Variants in TPH2 observed in about 807,000 individuals in gnomAD.
TPH2 encodes tryptophan 5-hydroxylase 2.
A neutral mutation model predicts 59.1 loss-of-function variants in TPH2; 27 were observed. The observed-to-expected ratio is 0.46, with a 90% confidence interval of 0.34 to 0.63. The LOEUF is 0.63. Among genes scored for constraint, TPH2 ranks in the 30% least tolerant of loss-of-function variants. TPH2 has a pLI of 0.01. For synonymous variants in TPH2, 220 were observed against 210.5 expected (o/e 1.05, Z -0.39); for missense variants, 523 against 588.3 (o/e 0.89, Z 1.15).
chr12:71,980,921 T>C (rs1872257109), intron 7 of TPH2, among the ~76,000 whole-genome samples: 1 of 152,222 alleles, frequency 6.6e-6, no homozygotes, highest in Non-Finnish European at 1.5e-5. Flanking sequence ...AAATAAAATA[T>C]AGTAGCTTTA....
rs531707792 is a variant in TPH2, at chr12:71,988,679, G to A, written c.942-5760G>A. ...TCAACATTGGGGTTTACATTTTAAC[G>A]TGAGATTTTGGCTGGGTACAAATAT... On this transcript the variant is annotated intron_variant, in intron 7 of 10. Transcript: ENST00000333850. 3.9e-5 allele frequency among the ~76,000 whole-genome samples: 6 copies of A among 152,284 alleles called. 1 individual carries two copies. The highest frequency in any genetic ancestry group is 3.9e-4 in the Admixed American group (6 of 15,300).
intron 7 of TPH2, among the ~76,000 whole-genome samples, chr12:71,982,013 G>GTTTTTTTTTTTTTTTTTT (rs1468983565): frequency 7.2e-5 from 4 of 55,670 alleles, no homozygotes; most frequent in African/African-American, 2.7e-4. Context: ...CATATCATTC[G>GTTTTTTTTTTTTTTTTTT]TATTTTTTTT....
intron 8 of TPH2, among the ~76,000 whole-genome samples, chr12:71,994,870 A>G (rs1872657336): frequency 6.6e-6 from 1 of 152,234 alleles, no homozygotes. Flanking sequence ...CTGTGGTATG[A>G]AAGCAGCCAC....
At chr12:71,953,889 T>C (rs1460546186) in intron 5 of TPH2, among the ~76,000 whole-genome samples, 2 of 152,080 alleles carry the variant, frequency 1.3e-5, no homozygotes, top group Non-Finnish European at 2.9e-5. Context: ...AGATGGAGTA[T>C]GGATATTTTG....
rs750375127 is a variant in TPH2, at chr12:71,950,709, A to G, written c.608+1054A>G. Among the ~76,000 whole-genome samples, 84 of 152,210 alleles carry G rather than the reference A, an allele frequency of 5.5e-4. 1 individual carries two copies. Among genetic ancestry groups the G allele is most frequent in the Non-Finnish European group, 8.1e-4 (55 of 68,008 alleles). On this transcript the variant is annotated intron_variant, in intron 5 of 10. Coordinates refer to ENST00000333850, the MANE Select transcript of TPH2 (RefSeq NM_173353.4). ...ATCTCGTAAGGGAAAGATTCGTCCT[A>G]CCCCAATTGAGAGTAGGTGTGAAAC...
chr12:72,007,859 C>T (rs11179038), intron 8 of TPH2, among the ~76,000 whole-genome samples: 6,796 of 152,028 alleles, frequency 0.045, 292 homozygotes, highest in East Asian at 0.17. Flanking sequence ...TTGGATTTTG[C>T]TTCTTTGGAA....
intron 6 of TPH2, among the ~76,000 whole-genome samples, chr12:71,977,757 C>T (rs1486232583): frequency 6.6e-6 from 1 of 152,108 alleles, no homozygotes; most frequent in Non-Finnish European, 1.5e-5. Context: ...ATGTTGAGGA[C>T]TCATTGTATG....
chr12:72,029,023 A>C (rs1873645762), intron 9 of TPH2, among the ~76,000 whole-genome samples: 1 of 152,168 alleles, frequency 6.6e-6, no homozygotes, highest in South Asian at 2.1e-4. Flanking sequence ...TATCCAGTGG[A>C]ATTGTCACAA....
rs1314487478 is a variant in TPH2 at position 71,944,174 on chromosome 12, A to G, written c.256-120A>G. 8.2e-6 allele frequency: 8 copies of G among 971,208 alleles called. No homozygotes were observed. In the Admixed American group the frequency reaches 1.0e-4, roughly 12 times the overall value. The allele number at this position is 971,208 out of a possible 1,614,324, so 60.2% of individuals were successfully genotyped here. On this transcript the variant is annotated intron_variant, in intron 2 of 10. Coordinates refer to ENST00000333850, the MANE Select transcript of TPH2 (RefSeq NM_173353.4). ...TCCAAGTTTTATTCAAAGAACAAAG[A>G]GATTGTCTCTTCCTCTTGTGTGGGT...
intron 2 of TPH2, among the ~76,000 whole-genome samples, chr12:71,942,916 G>T (rs1292918402): frequency 2.0e-5 from 3 of 152,182 alleles, no homozygotes; most frequent in Non-Finnish European, 4.4e-5. Context: ...AGACAGCTGG[G>T]TGCAGTGGAT....
chr12:71,941,908 G>A (rs1289983319), intron 2 of TPH2, among the ~76,000 whole-genome samples, 175 bp downstream of exon 2: 2 of 152,204 alleles, frequency 1.3e-5, no homozygotes, highest in African/African-American at 4.8e-5. Context: ...AATGAAATAA[G>A]CAGAATTGCC....
intron 5 of TPH2, among the ~76,000 whole-genome samples, chr12:71,954,667 A>G (rs1220049881): frequency 6.6e-6 from 1 of 152,178 alleles, no homozygotes; most frequent in East Asian, 1.9e-4. Flanking sequence ...GTGCCTTCAT[A>G]TTTGAATCTC....
At chr12:71,995,716 C>T (rs1348985305) in intron 8 of TPH2, among the ~76,000 whole-genome samples, 4 of 152,164 alleles carry the variant, frequency 2.6e-5, no homozygotes, top group African/African-American at 7.2e-5. Context: ...AGCAGGTTCT[C>T]AGCTTTTACT....
chr12:71,997,803 T>G (rs1456817127), intron 8 of TPH2, among the ~76,000 whole-genome samples: 4 of 152,196 alleles, frequency 2.6e-5, no homozygotes, highest in Non-Finnish European at 5.9e-5. Context: ...AAAGTCACAG[T>G]CTAGTACCCC....
At position 72,017,439 on chromosome 12, in the gene TPH2, A is replaced by G. The variant is rs1255942650; in HGVS notation, c.1069-4960A>G. ...GCTATCATTTCTGTTTTGGTTTTTA[A>G]TGATTATATGTAATTATATCCAAAT... On this transcript the variant is annotated intron_variant, in intron 8 of 10. Transcript: ENST00000333850. 2.0e-5 allele frequency among the ~76,000 whole-genome samples: 3 copies of G among 152,228 alleles called. No homozygotes were observed. The East Asian group carries it at 5.8e-4, about 29-fold the overall frequency.
intron 1 of TPH2, among the ~76,000 whole-genome samples, chr12:71,941,381 G>GATGAAACC (rs1871060546): frequency 6.6e-6 from 1 of 152,058 alleles, no homozygotes. Context: ...TGATGTCTTA[G>GATGAAACC]ACCATTGGAA....
intron 7 of TPH2, among the ~76,000 whole-genome samples, chr12:71,991,815 G>A (rs1302612132): frequency 6.6e-6 from 1 of 152,168 alleles, no homozygotes; most frequent in East Asian, 1.9e-4. Flanking sequence ...GTATCATGGT[G>A]TAATTTTAGT....
intron 8 of TPH2, among the ~76,000 whole-genome samples, chr12:72,015,865 G>A (rs927582676): frequency 1.8e-4 from 28 of 152,168 alleles, no homozygotes; most frequent in Non-Finnish European, 5.9e-5. Context: ...AACCTAGAAA[G>A]AGATGGGGCA....
At chr12:71,940,029 A>G (rs1871013591) in intron 1 of TPH2, among the ~76,000 whole-genome samples, 2 of 152,336 alleles carry the variant, frequency 1.3e-5, no homozygotes, top group South Asian at 4.1e-4. Context: ...CAACTTCTGT[A>G]GAATTATTTA....
Sources: gnomAD v4.1 joint callset for allele counts (sites outside exome capture counted in the v4.1 genomes callset) on GRCh38, gnomAD v4.1.1 for gene constraint, MANE v1.5 for transcripts, NCBI Gene and HGNC (gene_info 2026-07-23, HGNC 2026-07-21) for gene names.